The following HEMK2 variants were observed in gnomAD, a reference collection of about 807,000 sequenced individuals.
The protein encoded by HEMK2 is methyltransferase HEMK2.
chr21:28,711,505 G>A, the HEMK2 span, among the ~76,000 whole-genome samples: 4 of 152,072 alleles, frequency 2.6e-5, no homozygotes, highest in Non-Finnish European at 5.9e-5. Flanking sequence ...GAACAGTTGG[G>A]GAGCCCAACT....
At chr21:28,641,267 T>C in the HEMK2 span, among the ~76,000 whole-genome samples, 2 of 152,174 alleles carry the variant, frequency 1.3e-5, no homozygotes, top group Non-Finnish European at 2.9e-5. Flanking sequence ...TCCATAAAGA[T>C]AGAAGAAGTC....
chr21:28,780,770 T>A, the HEMK2 span, among the ~76,000 whole-genome samples: 3 of 152,318 alleles, frequency 2.0e-5, no homozygotes, highest in East Asian at 5.8e-4. Context: ...GACTTAAGAA[T>A]TCCTTTAAGC....
the HEMK2 span, among the ~76,000 whole-genome samples, chr21:28,658,772 A>C: frequency 2.0e-5 from 3 of 152,094 alleles, no homozygotes; most frequent in African/African-American, 7.2e-5. Context: ...TTTTCATGTA[A>C]ATTAATGTTA....
the HEMK2 span, among the ~76,000 whole-genome samples, chr21:28,698,890 A>T: frequency 1.3e-5 from 2 of 152,228 alleles, no homozygotes. Flanking sequence ...TATCTTGCAT[A>T]CCTACCCCGA....
At chr21:28,608,376 C>A in the HEMK2 span, among the ~76,000 whole-genome samples, 1 of 140,596 alleles carries the variant, frequency 7.1e-6, no homozygotes, top group Non-Finnish European at 1.5e-5. Flanking sequence ...AAGGCTAATA[C>A]GTTTTCAACT....
the HEMK2 span, among the ~76,000 whole-genome samples, chr21:28,691,177 A>T: frequency 6.6e-6 from 1 of 152,144 alleles, no homozygotes; most frequent in African/African-American, 2.4e-5. Context: ...TCATTCATTC[A>T]TTGGAATACT....
At chr21:28,784,194 T>C in the HEMK2 span, among the ~76,000 whole-genome samples, 20 of 152,342 alleles carry the variant, frequency 1.3e-4, 1 homozygote, top group South Asian at 4.1e-3. Context: ...CGGTGTAGGA[T>C]CCACTAGGTG....
the HEMK2 span, among the ~76,000 whole-genome samples, chr21:28,584,819 G>A: frequency 1.2e-4 from 18 of 152,102 alleles, no homozygotes; most frequent in African/African-American, 2.2e-4. Context: ...GGGCACAACC[G>A]AGATAGGAAG....
At chr21:28,871,714 T>TG in the HEMK2 span, among the ~76,000 whole-genome samples, 2 of 152,120 alleles carry the variant, frequency 1.3e-5, no homozygotes, top group Non-Finnish European at 2.9e-5. Context: ...TCTCTCACAG[T>TG]TCTTGAGGCT....
chr21:28,865,435 G>A, the HEMK2 span, among the ~76,000 whole-genome samples: 1 of 152,236 alleles, frequency 6.6e-6, no homozygotes, highest in Non-Finnish European at 1.5e-5. Flanking sequence ...CCAGCATGCT[G>A]GGATTACAGG....
At chr21:28,750,427 G>T in the HEMK2 span, among the ~76,000 whole-genome samples, 4 of 151,966 alleles carry the variant, frequency 2.6e-5, no homozygotes, top group Non-Finnish European at 5.9e-5. Context: ...AGCTGGGAGC[G>T]GTGACTCATA....
At chr21:28,697,209 A>G in the HEMK2 span, among the ~76,000 whole-genome samples, 1 of 152,238 alleles carries the variant, frequency 6.6e-6, no homozygotes, top group Non-Finnish European at 1.5e-5. Context: ...AAGCCTGCAA[A>G]TTTTTCAAAC....
chr21:28,651,098 GTTA>G, the HEMK2 span, among the ~76,000 whole-genome samples: 1 of 152,164 alleles, frequency 6.6e-6, no homozygotes, highest in Admixed American at 6.5e-5. Flanking sequence ...CAGGAAGATA[GTTA>G]GAGCTACATT....
the HEMK2 span, among the ~76,000 whole-genome samples, chr21:28,698,116 C>G: frequency 6.6e-6 from 1 of 152,212 alleles, no homozygotes; most frequent in Admixed American, 6.5e-5. Context: ...GGACCCACTT[C>G]TTAATACTAT....
At chr21:28,830,650 G>A in the HEMK2 span, among the ~76,000 whole-genome samples, 1 of 152,274 alleles carries the variant, frequency 6.6e-6, no homozygotes, top group East Asian at 1.9e-4. Flanking sequence ...GACCAAGGTG[G>A]GCAGATCATG....
At chr21:28,837,524 C>T in the HEMK2 span, among the ~76,000 whole-genome samples, 3 of 152,046 alleles carry the variant, frequency 2.0e-5, no homozygotes, top group African/African-American at 7.2e-5. Flanking sequence ...CTTATCAAAA[C>T]CTCTGGGATA....
chr21:28,831,070 A>T, the HEMK2 span, among the ~76,000 whole-genome samples: 3 of 152,088 alleles, frequency 2.0e-5, no homozygotes, highest in Non-Finnish European at 2.9e-5. Flanking sequence ...AAGGAGTAGA[A>T]ATCAATTTGT....
At chr21:28,753,339 A>T in the HEMK2 span, among the ~76,000 whole-genome samples, 1 of 145,692 alleles carries the variant, frequency 6.9e-6, no homozygotes, top group African/African-American at 2.6e-5. Flanking sequence ...CCTGGGCAAC[A>T]CAGTGAGACT....
the HEMK2 span, among the ~76,000 whole-genome samples, chr21:28,676,865 A>G: frequency 6.6e-6 from 1 of 152,192 alleles, no homozygotes. Flanking sequence ...CTAAGGAGAG[A>G]GTCCTACAAC....
Sources: allele counts gnomAD v4.1 joint callset (sites outside exome capture counted in the v4.1 genomes callset), GRCh38; gene constraint gnomAD v4.1.1; transcripts MANE v1.5; gene names NCBI Gene and HGNC (gene_info 2026-07-23, HGNC 2026-07-21).